OSBPL6: variants seen among roughly 807,000 people sequenced by gnomAD.
OSBPL6 encodes the protein oxysterol-binding protein-related protein 6.
OSBPL6 carries 49 observed loss-of-function variants against 125.8 expected under a neutral mutation model. The ratio of observed to expected loss-of-function variants is 0.39; its 90% CI spans 0.31 to 0.49. The LOEUF (loss-of-function observed/expected upper bound fraction) is 0.49, where lower values mean the gene tolerates loss of function less well. OSBPL6 is among the 20% of genes least tolerant of loss of function. The probability of loss-of-function intolerance (pLI) is 0.88; values close to 1 mark genes in which losing one functional copy is unlikely to be tolerated. For synonymous variants in OSBPL6, 394 were observed against 391.8 expected, an observed-to-expected ratio of 1.01 and a Z score of -0.07; for missense variants, 986 against 1,135.4, an observed-to-expected ratio of 0.87 and a Z score of 1.89.
intron 1 of OSBPL6, among the ~76,000 whole-genome samples, chr2:178,252,369 G>T (rs2091727536): frequency 1.3e-5 from 2 of 152,122 alleles, no homozygotes; most frequent in Non-Finnish European, 2.9e-5. Context: ...AAAAGCAGCG[G>T]TAGACAAAAT....
intron 1 of OSBPL6, among the ~76,000 whole-genome samples, chr2:178,205,057 T>C (rs2153943150): frequency 6.6e-6 from 1 of 151,676 alleles, no homozygotes; most frequent in East Asian, 1.9e-4. Context: ...GATGAGAAAA[T>C]AGAAATGTCA....
chr2:178,297,880 T>A (rs1458496975), intron 2 of OSBPL6, among the ~76,000 whole-genome samples: 5 of 152,224 alleles, frequency 3.3e-5, no homozygotes, highest in Non-Finnish European at 7.3e-5. Flanking sequence ...AAATTTATCA[T>A]TTTAACTGCT....
chr2:178,278,786 G>A (rs1481908416), intron 1 of OSBPL6, among the ~76,000 whole-genome samples: 1 of 152,088 alleles, frequency 6.6e-6, no homozygotes, highest in Admixed American at 6.6e-5. Flanking sequence ...TCAATTTCTT[G>A]TCTAAACATT....
Position 178,208,991 on chromosome 2 carries a change from C to A in OSBPL6, c.-351+14317C>A, listed in dbSNP as rs1296555829. On this transcript the variant is annotated intron_variant, in intron 1 of 24. Transcript: ENST00000190611. Reference sequence around the variant, plus strand: ...TATTCAAGGCTTTAGTCCACTGCCCCCTAGCTTCTGAACTTACTGTTAAGA... The same window carrying A: ...TATTCAAGGCTTTAGTCCACTGCCCACTAGCTTCTGAACTTACTGTTAAGA... Among the ~76,000 whole-genome samples, 3 of 152,082 alleles carry A rather than the reference C, an allele frequency of 2.0e-5. 1 individual carries two copies. Among genetic ancestry groups the A allele is most frequent in the South Asian group, 4.2e-4 (2 of 4,814 alleles).
chr2:178,255,510 G>C (rs1421634250), intron 1 of OSBPL6, among the ~76,000 whole-genome samples: 1 of 152,156 alleles, frequency 6.6e-6, no homozygotes, highest in Non-Finnish European at 1.5e-5. Flanking sequence ...TTCAAGATGA[G>C]ATTTGGGTGG....
At chr2:178,264,799 A>G (rs1187895310) in intron 1 of OSBPL6, among the ~76,000 whole-genome samples, 3 of 152,140 alleles carry the variant, frequency 2.0e-5, no homozygotes, top group Non-Finnish European at 4.4e-5. Context: ...AGGATTTTGT[A>G]CTAATTGTTA....
At chr2:178,309,977 A>AT (rs1301756048) in intron 3 of OSBPL6, among the ~76,000 whole-genome samples, 18 of 152,260 alleles carry the variant, frequency 1.2e-4, no homozygotes, top group African/African-American at 4.3e-4. Context: ...TGCAATGTGC[A>AT]TTACAAAATT....
Position 178,336,542 on chromosome 2 carries a change from G to A in OSBPL6, c.790+109G>A, listed in dbSNP as rs192205702. The A allele has an allele frequency of 3.6e-5, 45 of 1,261,412 alleles. No individual in the cohort carries two copies. The East Asian group carries it at 3.8e-4, about 11-fold the overall frequency. 78.1% of individuals were successfully genotyped at this position (1,261,412 alleles called of 1,614,324 possible). On this transcript the variant is annotated intron_variant, in intron 9 of 24. Transcript: ENST00000190611. Reference sequence around the variant, plus strand: ...ATCTTTTACCCTGATTGCCTTGATCGTCTTGACCTTTCCTTGCTCTTTCTC... The same window carrying A: ...ATCTTTTACCCTGATTGCCTTGATCATCTTGACCTTTCCTTGCTCTTTCTC...
At chr2:178,382,699 A>G (rs1694595846) in intron 16 of OSBPL6, 192 bp downstream of exon 16, 2 of 1,459,790 alleles carry the variant, frequency 1.4e-6, no homozygotes, top group South Asian at 2.9e-5. Flanking sequence ...TGTTAGGTAA[A>G]TAGTTAAGAG....
intron 1 of OSBPL6, among the ~76,000 whole-genome samples, chr2:178,242,673 G>A (rs1163494991): frequency 6.6e-6 from 1 of 152,176 alleles, no homozygotes; most frequent in African/African-American, 2.4e-5. Flanking sequence ...CTTATAACCT[G>A]CAGCTGAATC....
Position 178,237,719 on chromosome 2 carries a change from A to G in OSBPL6, c.-351+43045A>G, listed in dbSNP as rs141820066. 1.2e-3 allele frequency among the ~76,000 whole-genome samples: 178 copies of G among 152,304 alleles called. 2 individuals carry two copies. The highest frequency in any genetic ancestry group is 8.5e-3 in the South Asian group (41 of 4,828). On this transcript the variant is annotated intron_variant, in intron 1 of 24. Transcript: ENST00000190611. Reference sequence around the variant, plus strand: ...CCCTGGCCTCTACCCACCAGATACTAGTAACACCCTGGAGTTGTGACAACC... The same window carrying G: ...CCCTGGCCTCTACCCACCAGATACTGGTAACACCCTGGAGTTGTGACAACC...
chr2:178,287,662 G>T (rs998906613), intron 2 of OSBPL6, among the ~76,000 whole-genome samples: 2 of 152,032 alleles, frequency 1.3e-5, no homozygotes, highest in African/African-American at 4.8e-5. Context: ...TTTTCTACAT[G>T]AATTTTGTTT....
At chr2:178,366,101 A>G (rs1341291156) in intron 13 of OSBPL6, among the ~76,000 whole-genome samples, 1 of 152,190 alleles carries the variant, frequency 6.6e-6, no homozygotes, top group East Asian at 1.9e-4. Flanking sequence ...CATGTTGCCC[A>G]GGCTGGTCTC....
rs2154119428 is a variant in OSBPL6 at position 178,392,326 on chromosome 2, G to C, written c.2447-86G>C. The C allele has an allele frequency of 4.8e-6, 7 of 1,443,718 alleles. No individual in the cohort carries two copies. In the East Asian group the frequency reaches 1.6e-4, roughly 33 times the overall value. 89.4% of individuals were successfully genotyped at this position (1,443,718 alleles called of 1,614,324 possible). A position where few individuals can be genotyped will look rare whatever the true frequency, so the allele number is the denominator to read the frequency against. ...TTATGACTACAAATTTGGTGTTAGT[G>C]TAGGTACTAAGTACTAGGGTAAGTC... is the stretch of plus-strand genomic sequence containing the variant. On this transcript the variant is annotated intron_variant, in intron 22 of 24. Transcript: ENST00000190611.
At position 178,339,717 on chromosome 2, in the gene OSBPL6, C is replaced by G. The variant is rs1398060667; in HGVS notation, c.940C>G (p.Arg314Gly). 6.2e-7 allele frequency: 1 copy of G among 1,604,968 alleles called. No individual in the cohort carries two copies. Among genetic ancestry groups the G allele is most frequent in the East Asian group, 2.3e-5 (1 of 44,204 alleles). Residue 314 changes from arginine to glycine, a missense_variant, in exon 11 of 25, where the codon CGA becomes GGA. Coordinates refer to ENST00000190611, the MANE Select transcript of OSBPL6 (RefSeq NM_032523.4). ...AAAGAAAGACAAGCGGGTCACAAGA[C>G]GATGGAGAACAAAAAGTGTCAGCAA... Reference protein sequence around the residue: ...ISKKDKRVTRRWRTKSVSKDT... With the variant: ...ISKKDKRVTRGWRTKSVSKDT...
At chr2:178,249,434 T>C (rs754538624) in intron 1 of OSBPL6, among the ~76,000 whole-genome samples, 7 of 152,186 alleles carry the variant, frequency 4.6e-5, no homozygotes, top group Non-Finnish European at 2.9e-5. Context: ...TGATTTTCAC[T>C]AGGATTTTCA....
intron 1 of OSBPL6, among the ~76,000 whole-genome samples, chr2:178,274,881 G>T (rs1206659885): frequency 6.6e-6 from 1 of 151,894 alleles, no homozygotes; most frequent in Non-Finnish European, 1.5e-5. Flanking sequence ...TTTAAAAATT[G>T]TCCTCTAGGA....
chr2:178,212,916 T>C (rs2089926410), intron 1 of OSBPL6, among the ~76,000 whole-genome samples: 1 of 152,032 alleles, frequency 6.6e-6, no homozygotes, highest in Admixed American at 6.6e-5. Context: ...CAAGCGATTC[T>C]CCCACCTCAG....
At chr2:178,374,411 CACAT>C (rs1441018942) in intron 15 of OSBPL6, among the ~76,000 whole-genome samples, 8 of 152,312 alleles carry the variant, frequency 5.3e-5, no homozygotes, top group African/African-American at 1.9e-4. Context: ...CATACACAGA[CACAT>C]ACATATTAGA....
Sources: gnomAD v4.1 joint callset for allele counts (sites outside exome capture counted in the v4.1 genomes callset) on GRCh38, gnomAD v4.1.1 for gene constraint, MANE v1.5 for transcripts, NCBI Gene and HGNC (gene_info 2026-07-23, HGNC 2026-07-21) for gene names.